TENM1: variants seen among roughly 807,000 people sequenced by gnomAD.
The protein encoded by TENM1 is teneurin-1.
TENM1 carries 35 observed loss-of-function variants against 174.8 expected under a neutral mutation model. The ratio of observed to expected loss-of-function variants is 0.20; its 90% CI spans 0.15 to 0.27. The LOEUF is 0.27. TENM1 is among the 10% of genes least tolerant of loss of function. TENM1 has a pLI of 1.00. For synonymous variants in TENM1, 781 were observed against 798.7 expected, an observed-to-expected ratio of 0.98 and a Z score of 0.37; for missense variants, 1,633 against 2,130.1, an observed-to-expected ratio of 0.77 and a Z score of 4.59.
intron 27 of TENM1, among the ~76,000 whole-genome samples, chrX:124,403,471 G>C: frequency 9.8e-6 from 1 of 102,224 alleles, no homozygotes; most frequent in South Asian, 4.5e-4. Context: ...AGTGAGCCGA[G>C]ATCGCACCAC....
intron 1 of TENM1, among the ~76,000 whole-genome samples, chrX:124,946,755 G>A (rs1024793875): frequency 1.8e-5 from 2 of 110,542 alleles, no homozygotes; most frequent in African/African-American, 6.6e-5. Flanking sequence ...TAAATGTTGC[G>A]TTTCCTGCAA....
At chrX:125,094,054 G>A in the TENM1 span, among the ~76,000 whole-genome samples, 1 of 112,100 alleles carries the variant, frequency 8.9e-6, no homozygotes, top group African/African-American at 3.2e-5. Context: ...AACTATAAAG[G>A]GCCCACTGTG....
intron 3 of TENM1, among the ~76,000 whole-genome samples, chrX:124,801,358 G>GT (rs2055444278): frequency 9.0e-6 from 1 of 111,488 alleles, no homozygotes; most frequent in Non-Finnish European, 1.9e-5. Flanking sequence ...CCTTCTTTGT[G>GT]TTTTTTGATC....
At chrX:125,051,781 T>C in the TENM1 span, among the ~76,000 whole-genome samples, 1 of 103,253 alleles carries the variant, frequency 9.7e-6, no homozygotes, top group Non-Finnish European at 2.0e-5. Flanking sequence ...GACATAGGCA[T>C]GGGCAAGGAC....
chrX:125,083,680 A>G, the TENM1 span, among the ~76,000 whole-genome samples: 1 of 111,879 alleles, frequency 8.9e-6, no homozygotes, highest in East Asian at 2.8e-4. Context: ...ATTATTTTCA[A>G]TAACAGTAAC....
At chrX:124,489,852 T>G (rs1656799426) in intron 20 of TENM1, among the ~76,000 whole-genome samples, 1 of 111,486 alleles carries the variant, frequency 9.0e-6, no homozygotes, top group Admixed American at 9.6e-5. Context: ...AAGAATGGTC[T>G]GCCCTTCCTG....
intron 3 of TENM1, among the ~76,000 whole-genome samples, chrX:124,801,992 G>A (rs760620815): frequency 9.0e-6 from 1 of 111,628 alleles, no homozygotes; most frequent in South Asian, 3.8e-4. Flanking sequence ...AAGGTGACCT[G>A]ACCTTCTTCT....
At chrX:124,686,628 A>G (rs1602998973) in intron 5 of TENM1, among the ~76,000 whole-genome samples, 1 of 112,245 alleles carries the variant, frequency 8.9e-6, no homozygotes, top group East Asian at 2.8e-4. Context: ...ATGCAAATCA[A>G]TAAATGTAAT....
At chrX:125,048,243 AT>A in the TENM1 span, among the ~76,000 whole-genome samples, 2,940 of 64,128 alleles carry the variant, frequency 0.046, 37 homozygotes, top group Non-Finnish European at 0.06. Context: ...GTTTCGAAGC[AT>A]TTTTTTTTTT....
chrX:125,138,264 G>A, the TENM1 span, among the ~76,000 whole-genome samples: 2 of 105,539 alleles, frequency 1.9e-5, no homozygotes, highest in Non-Finnish European at 3.9e-5. Flanking sequence ...TTTTTTTTCT[G>A]CAGTAGCAGA....
rs771580136 is a variant in TENM1 at position 124,645,343 on chromosome X, G to A, written c.1682-6C>T. 1 of 1,201,647 alleles carries A rather than the reference G, an allele frequency of 8.3e-7. No homozygotes were observed. Among genetic ancestry groups the A allele is most frequent in the South Asian group, 1.8e-5 (1 of 55,635 alleles). On this transcript the variant is annotated splice_polypyrimidine_tract_variant and splice_region_variant and intron_variant, in intron 9 of 31. Coordinates refer to ENST00000422452, the Ensembl canonical transcript of TENM1. ...ACACAGCACAGGGCAGGAATCTGAA[G>A]GTTGGCAAATGAACTTGTAATGTTC...
At chrX:125,020,700 T>G in the TENM1 span, among the ~76,000 whole-genome samples, 8 of 110,750 alleles carry the variant, frequency 7.2e-5, no homozygotes, top group Non-Finnish European at 1.1e-4. Flanking sequence ...CTCTGAATGA[T>G]CCAATTTACA....
upstream of TENM1, among the ~76,000 whole-genome samples, chrX:124,966,068 T>G (rs1359913658): frequency 8.9e-6 from 1 of 111,949 alleles, no homozygotes; most frequent in African/African-American, 3.2e-5. Flanking sequence ...AATCCATCAG[T>G]AAATCCTGTT....
the TENM1 span, among the ~76,000 whole-genome samples, chrX:124,973,414 A>G: frequency 1.8e-5 from 2 of 111,629 alleles, no homozygotes; most frequent in Non-Finnish European, 3.8e-5. Context: ...AAGAAATTTA[A>G]AGTAGTTTTT....
intron 4 of TENM1, among the ~76,000 whole-genome samples, chrX:124,715,597 ATCTTC>A (rs2053160040): frequency 9.4e-6 from 1 of 106,812 alleles, no homozygotes; most frequent in African/African-American, 3.4e-5. Context: ...CTCTTTTTTC[ATCTTC>A]TCTTTTCTTT....
chrX:125,022,907 T>C, the TENM1 span, among the ~76,000 whole-genome samples: 5 of 111,862 alleles, frequency 4.5e-5, no homozygotes, highest in Non-Finnish European at 9.4e-5. Flanking sequence ...TGTTTAAATA[T>C]AAATTTATTA....
chrX:125,046,570 C>T, the TENM1 span, among the ~76,000 whole-genome samples: 2 of 111,980 alleles, frequency 1.8e-5, no homozygotes, highest in Non-Finnish European at 3.8e-5. Flanking sequence ...CTCTGCTACA[C>T]GGATACAGAA....
chrX:125,102,352 T>G, the TENM1 span, among the ~76,000 whole-genome samples: 1 of 108,772 alleles, frequency 9.2e-6, no homozygotes, highest in South Asian at 4.1e-4. Context: ...AGCCCTTCCC[T>G]CTAGGTCAGA....
chrX:124,449,673 C>A (rs1270744670), intron 23 of TENM1, among the ~76,000 whole-genome samples: 1 of 111,882 alleles, frequency 8.9e-6, no homozygotes, highest in Non-Finnish European at 1.9e-5. Flanking sequence ...CCTTCTGCAG[C>A]ATTTTGAATC....
Sources: allele counts gnomAD v4.1 joint callset (sites outside exome capture counted in the v4.1 genomes callset), GRCh38; gene constraint gnomAD v4.1.1; transcripts MANE v1.5; gene names NCBI Gene and HGNC (gene_info 2026-07-23, HGNC 2026-07-21).